Variants in MGAT4A observed in about 807,000 individuals in gnomAD.
The protein encoded by MGAT4A is alpha-1,3-mannosyl-glycoprotein 4-beta-N-acetylglucosaminyltransferase A, also known as N-acetylglucosaminyltransferase IVa.
In MGAT4A, 33 loss-of-function variants were observed where a neutral mutation model predicts 74.1. The observed-to-expected ratio is 0.45, with a 90% CI of 0.34 to 0.60. The LOEUF (loss-of-function observed/expected upper bound fraction) is 0.60. Ranked by LOEUF, MGAT4A falls within the 20% of genes least tolerant of loss-of-function variation. MGAT4A has a pLI of 0.02. For missense variants in MGAT4A, 479 were observed against 628.3 expected, an observed-to-expected ratio of 0.76 and a Z score of 2.54; for synonymous variants, 198 against 210.4, an observed-to-expected ratio of 0.94 and a Z score of 0.51.
chr2:98,635,703 A>G (rs551072637), intron 13 of MGAT4A, among the ~76,000 whole-genome samples: 3 of 152,146 alleles, frequency 2.0e-5, no homozygotes, highest in Non-Finnish European at 4.4e-5. Context: ...AAAGAAAACA[A>G]TGATTCAGGC....
intron 4 of MGAT4A, among the ~76,000 whole-genome samples, chr2:98,671,859 A>G (rs1412704522): frequency 2.0e-5 from 3 of 150,920 alleles, no homozygotes; most frequent in Non-Finnish European, 3.0e-5. Context: ...GGAACAACAG[A>G]ATCAAGAGGG....
At position 98,622,522 on chromosome 2, in the gene MGAT4A, T is replaced by TACC. The variant is rs1701076138; in HGVS notation, c.*3041_*3043dup. 1.0e-6 allele frequency: 1 copy of TACC among 985,372 alleles called. No individual in the cohort carries two copies. Among genetic ancestry groups the TACC allele is most frequent in the Non-Finnish European group, 1.2e-6 (1 of 829,956 alleles). 61.0% of individuals were successfully genotyped at this position (985,372 alleles called of 1,614,324 possible). Reference sequence around the variant, plus strand: ...CGGCGCCCTCTCAAGGCAAAGTATTTACCTTCTTCCAGTTCCAGGGACTCT... The same window carrying TACC: ...CGGCGCCCTCTCAAGGCAAAGTATTTACCACCTTCTTCCAGTTCCAGGGACTCT... On this transcript the variant is annotated 3_prime_UTR_variant, in exon 16 of 16. Coordinates refer to ENST00000393487, the MANE Select transcript of MGAT4A (RefSeq NM_012214.3).
At chr2:98,668,230 C>T (rs1265690334) in intron 4 of MGAT4A, among the ~76,000 whole-genome samples, 1 of 152,176 alleles carries the variant, frequency 6.6e-6, no homozygotes, top group Admixed American at 6.5e-5. Flanking sequence ...CATCACAGGC[C>T]CAGAGATTTA....
chr2:98,651,064 CAAA>C (rs755001558), intron 8 of MGAT4A, among the ~76,000 whole-genome samples: 1 of 123,852 alleles, frequency 8.1e-6, no homozygotes, highest in African/African-American at 3.3e-5. Context: ...GACTCCATCT[CAAA>C]AAAAAAAGAA....
At chr2:98,626,325 G>A (rs1258891558) in intron 14 of MGAT4A, among the ~76,000 whole-genome samples, 1 of 152,092 alleles carries the variant, frequency 6.6e-6, no homozygotes, top group Admixed American at 6.5e-5. Flanking sequence ...AAGGAATTAA[G>A]AAATAATGCC....
intron 8 of MGAT4A, among the ~76,000 whole-genome samples, chr2:98,651,410 G>A (rs1244057251): frequency 4.6e-5 from 7 of 152,070 alleles, no homozygotes; most frequent in South Asian, 2.1e-4. Context: ...TATAAAAAGC[G>A]GTCACTGGTG....
chr2:98,660,889 C>T (rs1176447439), intron 5 of MGAT4A, among the ~76,000 whole-genome samples: 1 of 152,146 alleles, frequency 6.6e-6, no homozygotes, highest in East Asian at 1.9e-4. Flanking sequence ...CCCAAAAGCT[C>T]AGGCAACAAG....
chr2:98,708,426 A>G (rs1034314469), intron 2 of MGAT4A, among the ~76,000 whole-genome samples: 6 of 152,226 alleles, frequency 3.9e-5, no homozygotes, highest in Non-Finnish European at 8.8e-5. Context: ...GCATCAAAAC[A>G]ATAAACCTGA....
intron 5 of MGAT4A, among the ~76,000 whole-genome samples, chr2:98,658,470 G>A (rs559627563): frequency 6.6e-6 from 1 of 152,264 alleles, no homozygotes; most frequent in East Asian, 1.9e-4. Flanking sequence ...AGATATTGAA[G>A]TTTTTATTAT....
chr2:98,709,685 A>C (rs1702490233), intron 2 of MGAT4A, among the ~76,000 whole-genome samples: 1 of 152,176 alleles, frequency 6.6e-6, no homozygotes, highest in Non-Finnish European at 1.5e-5. Context: ...ATTTGTGAAG[A>C]ATGTTTTTCA....
intron 10 of MGAT4A, among the ~76,000 whole-genome samples, chr2:98,641,499 CA>C (rs1205460540): frequency 0.037 from 2,772 of 75,302 alleles, 41 homozygotes; most frequent in African/African-American, 0.064. Flanking sequence ...ACTAAAAATA[CA>C]AAAAAAAAAA....
chr2:98,653,487 G>C (rs1445595962), intron 8 of MGAT4A, among the ~76,000 whole-genome samples: 1 of 151,784 alleles, frequency 6.6e-6, no homozygotes, highest in Non-Finnish European at 1.5e-5. Context: ...AGAAATGAAA[G>C]AGGGAACATA....
intron 2 of MGAT4A, among the ~76,000 whole-genome samples, chr2:98,686,160 G>A (rs1011582130): frequency 6.6e-6 from 1 of 152,110 alleles, no homozygotes; most frequent in Non-Finnish European, 1.5e-5. Context: ...CTCCAGTCAG[G>A]ATCCAACACA....
At chr2:98,661,411 G>A (rs1238441776) in intron 5 of MGAT4A, among the ~76,000 whole-genome samples, 1 of 152,086 alleles carries the variant, frequency 6.6e-6, no homozygotes, top group Non-Finnish European at 1.5e-5. Flanking sequence ...ACTTAAAACT[G>A]GTGAGAGAAG....
At position 98,639,793 on chromosome 2, in the gene MGAT4A, T is replaced by C; in HGVS notation, c.1322+15A>G. On this transcript the variant is annotated intron_variant, in intron 12 of 15. Transcript: ENST00000393487. Reference sequence around the variant, plus strand: ...TCCAAATTGTAAGATCACATACATTTCAATAATCACCAACCTTTCTACATT... The same window carrying C: ...TCCAAATTGTAAGATCACATACATTCCAATAATCACCAACCTTTCTACATT... 6.3e-7 allele frequency: 1 copy of C among 1,589,442 alleles called. No homozygotes were observed. The highest frequency in any genetic ancestry group is 8.6e-7 in the Non-Finnish European group (1 of 1,163,390).
intron 8 of MGAT4A, among the ~76,000 whole-genome samples, chr2:98,653,782 C>T (rs192314172): frequency 4.3e-4 from 66 of 152,266 alleles, no homozygotes; most frequent in Non-Finnish European, 7.9e-4. Context: ...CAGCTATCTT[C>T]CAAAGAACTG....
intron 2 of MGAT4A, among the ~76,000 whole-genome samples, chr2:98,680,677 G>A (rs923907560): frequency 1.3e-5 from 2 of 152,102 alleles, no homozygotes; most frequent in African/African-American, 2.4e-5. Context: ...CCAGGGTGCC[G>A]GCTAGGTTCT....
In MGAT4A at chr2:98,668,750, C is replaced by T. The variant is rs370889240; in HGVS notation, c.404-5571G>A. Among the ~76,000 whole-genome samples, 15 of 152,344 alleles carry T rather than the reference C, an allele frequency of 9.8e-5. 1 individual carries two copies. Among genetic ancestry groups the T allele is most frequent in the African/African-American group, 2.4e-4 (10 of 41,578 alleles). On this transcript the variant is annotated intron_variant, in intron 4 of 15. Transcript: ENST00000393487. ...AGCAGCTGGGAGGGAGGCTGTACCCCGCAGAGCCACAGGGGCAGAGCTGCC... is the reference window on the plus strand; with the variant it reads ...AGCAGCTGGGAGGGAGGCTGTACCCTGCAGAGCCACAGGGGCAGAGCTGCC...
chr2:98,663,771 C>T (rs1451031103), intron 4 of MGAT4A, among the ~76,000 whole-genome samples: 1 of 152,162 alleles, frequency 6.6e-6, no homozygotes, highest in African/African-American at 2.4e-5. Context: ...GATTTGGATC[C>T]TGAAAGAGAA....
Sources: allele counts gnomAD v4.1 joint callset (sites outside exome capture counted in the v4.1 genomes callset), GRCh38; gene constraint gnomAD v4.1.1; transcripts MANE v1.5; gene names NCBI Gene and HGNC (gene_info 2026-07-23, HGNC 2026-07-21).